Variants in SPEF2 observed in about 807,000 individuals in gnomAD.
SPEF2 encodes sperm flagella and cilia-associated protein 2.
SPEF2 carries 187 observed loss-of-function variants against 224.6 expected under a neutral mutation model. The observed-to-expected ratio is 0.83, with a 90% confidence interval of 0.74 to 0.94. SPEF2 has a LOEUF of 0.94. SPEF2 is among the 40% of genes least tolerant of loss of function. SPEF2 has a pLI of 0.00. For synonymous variants in SPEF2, 715 were observed against 707.3 expected, an observed-to-expected ratio of 1.01 and a Z score of -0.17; for missense variants, 2,170 against 2,135.6, an observed-to-expected ratio of 1.02 and a Z score of -0.32.
intron 24 of SPEF2, among the ~76,000 whole-genome samples, chr5:35,756,115 A>G (rs1750400852): frequency 6.6e-6 from 1 of 152,142 alleles, no homozygotes; most frequent in African/African-American, 2.4e-5. Context: ...ATTGTGCTCT[A>G]TTTTGAGTAG....
At chr5:35,666,240 C>A (rs1750445715) in intron 8 of SPEF2, among the ~76,000 whole-genome samples, 1 of 152,156 alleles carries the variant, frequency 6.6e-6, no homozygotes, top group African/African-American at 2.4e-5. Flanking sequence ...CTAGAGCAGG[C>A]TAGCACGTAA....
chr5:35,755,213 G>A (rs1580601546), intron 24 of SPEF2, among the ~76,000 whole-genome samples: 1 of 152,210 alleles, frequency 6.6e-6, no homozygotes, highest in Non-Finnish European at 1.5e-5. Context: ...GATCCACATG[G>A]CATGGGTTGT....
chr5:35,788,402 G>A, intron 30 of SPEF2: 1 of 702,646 alleles, frequency 1.4e-6, no homozygotes, highest in Non-Finnish European at 2.6e-6. Context: ...TATTGCTGAA[G>A]TAGAACGAAA....
At chr5:35,802,546 G>A (rs4869667) in intron 34 of SPEF2, among the ~76,000 whole-genome samples, 27,713 of 152,040 alleles carry the variant, frequency 0.18, 3,155 homozygotes, top group African/African-American at 0.32. Flanking sequence ...AATGCAGGGG[G>A]AAAATACAGG....
At chr5:35,695,465 T>C (rs1251822993) in intron 13 of SPEF2, among the ~76,000 whole-genome samples, 3 of 152,104 alleles carry the variant, frequency 2.0e-5, no homozygotes. Flanking sequence ...ATGATATTTT[T>C]ATGAGCTCAG....
At chr5:35,788,574 A>T in intron 30 of SPEF2, 1 of 702,862 alleles carries the variant, frequency 1.4e-6, no homozygotes, top group Non-Finnish European at 2.6e-6. Flanking sequence ...GAAAGAAATG[A>T]TCCTCTGGCA....
intron 27 of SPEF2, 35 bp from the exon 28 acceptor site, chr5:35,773,858 G>A: frequency 6.3e-7 from 1 of 1,595,684 alleles, no homozygotes; most frequent in Non-Finnish European, 8.5e-7. Flanking sequence ...TTTGTATTTT[G>A]TTAGTTTACT....
rs113287239 is a variant in SPEF2 at position 35,753,282 on chromosome 5, C to T, written c.3331-342C>T. The stretch of plus-strand genomic sequence containing the variant: ...TTTTCCACCACCAATTGCCATTTCC[C>T]CCCCAAAATTCACTGAAAGGGCTTT... On this transcript the variant is annotated intron_variant, in intron 23 of 36. Transcript: ENST00000356031. Among the ~76,000 whole-genome samples, 864 of 152,140 alleles carry T rather than the reference C, an allele frequency of 5.7e-3. 4 individuals are homozygous for T. The highest frequency in any genetic ancestry group is 0.019 in the African/African-American group (775 of 41,500).
chr5:35,814,122 T>A (rs1758696006), intron 36 of SPEF2, among the ~76,000 whole-genome samples: 1 of 152,220 alleles, frequency 6.6e-6, no homozygotes, highest in African/African-American at 2.4e-5. Flanking sequence ...ATACTGGTTT[T>A]TTTGTTCATT....
At chr5:35,755,575 G>A (rs557308862) in intron 24 of SPEF2, among the ~76,000 whole-genome samples, 10 of 152,260 alleles carry the variant, frequency 6.6e-5, no homozygotes, top group African/African-American at 2.4e-4. Flanking sequence ...TTCTTACTAT[G>A]TACATGCCAG....
At chr5:35,751,096 C>CACATATATATATATAT (rs1554048857) in intron 23 of SPEF2, among the ~76,000 whole-genome samples, 4 of 30,612 alleles carry the variant, frequency 1.3e-4, no homozygotes, top group Non-Finnish European at 1.3e-4. Context: ...CACACACACA[C>CACATATATATATATAT]ATATATATAT....
At chr5:35,668,739 A>G (rs1016778772) in intron 9 of SPEF2, among the ~76,000 whole-genome samples, 1 of 152,078 alleles carries the variant, frequency 6.6e-6, no homozygotes, top group Non-Finnish European at 1.5e-5. Flanking sequence ...ATATCCTTAA[A>G]TGTGAACAGA....
intron 8 of SPEF2, 63 bp from the exon 9 acceptor site, chr5:35,667,009 T>A: frequency 2.8e-6 from 4 of 1,454,018 alleles, no homozygotes; most frequent in Non-Finnish European, 3.7e-6. Context: ...GCCATTGAAA[T>A]GATGACATTA....
intron 24 of SPEF2, 129 bp downstream of exon 24, chr5:35,753,890 G>T (rs765277314): frequency 7.1e-5 from 79 of 1,117,160 alleles, no homozygotes; most frequent in Non-Finnish European, 9.9e-5. Flanking sequence ...CACTATGCCT[G>T]GTATGAGCTC....
At position 35,740,176 on chromosome 5, in the gene SPEF2, T is replaced by C. The variant is rs773137592; in HGVS notation, c.3239T>C (p.Phe1080Ser). Reference sequence around the variant, plus strand: ...AAGCGTCCGGATCACAAGCAAGATTTTGTAGCTCAATGGCAGGCTGATTTC... The same window carrying C: ...AAGCGTCCGGATCACAAGCAAGATTCTGTAGCTCAATGGCAGGCTGATTTC... The part of the protein sequence containing the change: ...FLKRPDHKQD[F>S]VAQWQADFNS... Residue 1080 changes from phenylalanine (F) to serine (S), a missense_variant, in exon 23 of 37, where the codon TTT becomes TCT. Transcript: ENST00000356031. 6.2e-7 allele frequency: 1 copy of C among 1,613,990 alleles called. No individual in the cohort carries two copies. Among genetic ancestry groups the C allele is most frequent in the African/African-American group, 1.3e-5 (1 of 74,906 alleles).
Position 35,771,710 on chromosome 5 carries a change from C to T in SPEF2, c.3903C>T (p.Val1301=), listed in dbSNP as rs1752882166. Reference sequence around the variant, plus strand: ...CTCAGATGGGTGCAAATAAAAAAGTCAAAAAGGAGCCACCCAAGAAAAAAC... The same window carrying T: ...CTCAGATGGGTGCAAATAAAAAAGTTAAAAAGGAGCCACCCAAGAAAAAAC... ...KSPQMGANKK[V]KKEPPKKKQE... The change falls in exon 27 of 37, where the codon GTC becomes GTT. Residue 1301 remains valine (V), a synonymous_variant. Transcript: ENST00000356031. 7 of 1,599,880 alleles carry T rather than the reference C, an allele frequency of 4.4e-6. No individual in the cohort carries two copies. The highest frequency in any genetic ancestry group is 5.9e-6 in the Non-Finnish European group (7 of 1,176,604).
chr5:35,631,192 T>G (rs1745064806), intron 2 of SPEF2, among the ~76,000 whole-genome samples: 3 of 152,200 alleles, frequency 2.0e-5, no homozygotes, highest in Admixed American at 2.0e-4. Context: ...AGAGAGGTTG[T>G]GCAGAGAAGC....
chr5:35,703,175 A>T (rs181860926), intron 16 of SPEF2, among the ~76,000 whole-genome samples: 23 of 151,300 alleles, frequency 1.5e-4, no homozygotes, highest in Admixed American at 1.4e-3. Flanking sequence ...AGCTCAACTG[A>T]TTTTTTTTAG....
chr5:35,696,346 T>C (rs1755316279), intron 14 of SPEF2, among the ~76,000 whole-genome samples: 1 of 152,138 alleles, frequency 6.6e-6, no homozygotes, highest in Admixed American at 6.6e-5. Flanking sequence ...TTTTATAATA[T>C]TTTAGGTTTC....
Sources: gnomAD v4.1 joint callset for allele counts (sites outside exome capture counted in the v4.1 genomes callset) on GRCh38, gnomAD v4.1.1 for gene constraint, MANE v1.5 for transcripts, NCBI Gene and HGNC (gene_info 2026-07-23, HGNC 2026-07-21) for gene names.